Variants in LINGO2 observed in about 807,000 individuals in gnomAD.
LINGO2 encodes the protein leucine-rich repeat and immunoglobulin-like domain-containing nogo receptor-interacting protein 2.
LINGO2 carries 14 observed loss-of-function variants against 30.6 expected under a neutral mutation model. That is an observed-to-expected ratio of 0.46 (90% CI 0.30 to 0.72). The LOEUF is 0.72. Among genes scored for constraint, LINGO2 ranks in the 30% least tolerant of loss-of-function variants. The probability of loss-of-function intolerance (pLI) is 0.07; values close to 1 mark genes in which losing one functional copy is unlikely to be tolerated. For synonymous variants in LINGO2, 317 were observed against 288.5 expected (o/e 1.10, Z -1.00); for missense variants, 729 against 751.7 (o/e 0.97, Z 0.35).
chr9:27,987,313 C>A (rs1821172131), intron 5 of LINGO2, among the ~76,000 whole-genome samples: 1 of 151,740 alleles, frequency 6.6e-6, no homozygotes. Flanking sequence ...TTCCTTGCTT[C>A]TTTCCTCCCT....
At chr9:29,117,321 C>T in the LINGO2 span, among the ~76,000 whole-genome samples, 1 of 152,052 alleles carries the variant, frequency 6.6e-6, no homozygotes, top group East Asian at 1.9e-4. Context: ...GAAAAAAAGC[C>T]CCGATTGTTA....
chr9:28,663,381 T>C (rs372559328), intron 1 of LINGO2, among the ~76,000 whole-genome samples: 2 of 152,072 alleles, frequency 1.3e-5, no homozygotes, highest in South Asian at 4.1e-4. Flanking sequence ...ATATTGGTCA[T>C]GCTGGGCTTG....
chr9:28,117,023 T>G (rs571742846), intron 4 of LINGO2, among the ~76,000 whole-genome samples: 7,453 of 81,880 alleles, frequency 0.091, 577 homozygotes, highest in South Asian at 0.13. Flanking sequence ...TGTTCTGTTT[T>G]TTCCCCATCT....
chr9:29,112,036 T>G, the LINGO2 span, among the ~76,000 whole-genome samples: 4 of 149,132 alleles, frequency 2.7e-5, no homozygotes, highest in South Asian at 8.6e-4. Flanking sequence ...TGCATGTGTG[T>G]ATGATATATA....
At chr9:29,194,633 T>C in the LINGO2 span, among the ~76,000 whole-genome samples, 1 of 152,118 alleles carries the variant, frequency 6.6e-6, no homozygotes, top group African/African-American at 2.4e-5. Context: ...TCCGAACACT[T>C]ACCTCCACCC....
chr9:28,308,797 A>G (rs1364664522), intron 3 of LINGO2, among the ~76,000 whole-genome samples: 1 of 152,150 alleles, frequency 6.6e-6, no homozygotes, highest in Non-Finnish European at 1.5e-5. Flanking sequence ...TTCTCAAAAG[A>G]AGACATTTAT....
chr9:28,837,263 T>C, the LINGO2 span, among the ~76,000 whole-genome samples: 1 of 152,146 alleles, frequency 6.6e-6, no homozygotes, highest in Non-Finnish European at 1.5e-5. Flanking sequence ...AAAATGTAGT[T>C]TGATTTATTG....
At chr9:29,203,012 G>C in the LINGO2 span, among the ~76,000 whole-genome samples, 1 of 152,010 alleles carries the variant, frequency 6.6e-6, no homozygotes, top group African/African-American at 2.4e-5. Flanking sequence ...CAAAATAATA[G>C]ACTAAATTTT....
At chr9:28,138,493 A>G (rs186918445) in intron 4 of LINGO2, among the ~76,000 whole-genome samples, 1 of 152,298 alleles carries the variant, frequency 6.6e-6, no homozygotes, top group Admixed American at 6.5e-5. Context: ...TTGTGAGGCC[A>G]CTTTTCATAT....
the LINGO2 span, among the ~76,000 whole-genome samples, chr9:28,785,902 T>C: frequency 1.3e-5 from 2 of 152,240 alleles, no homozygotes; most frequent in African/African-American, 4.8e-5. Context: ...CATGACAAAA[T>C]GTACACTAAA....
chr9:28,048,682 G>A (rs539351504), intron 4 of LINGO2, among the ~76,000 whole-genome samples: 8 of 150,516 alleles, frequency 5.3e-5, no homozygotes, highest in Non-Finnish European at 8.9e-5. Context: ...ACTTATCTAC[G>A]ATGCCAAAAG....
the LINGO2 span, among the ~76,000 whole-genome samples, chr9:28,887,966 A>C: frequency 7.2e-5 from 11 of 152,130 alleles, no homozygotes; most frequent in African/African-American, 2.4e-4. Flanking sequence ...TTGTATTACC[A>C]GCTTACATGT....
chr9:28,487,991 CAT>C (rs994549974), intron 1 of LINGO2, among the ~76,000 whole-genome samples: 4 of 152,248 alleles, frequency 2.6e-5, no homozygotes, highest in African/African-American at 7.2e-5. Context: ...AGTATACACA[CAT>C]GTATACTCTG....
chr9:28,438,584 ACAT>A (rs1395737804), intron 2 of LINGO2, among the ~76,000 whole-genome samples: 1 of 152,140 alleles, frequency 6.6e-6, no homozygotes, highest in Non-Finnish European at 1.5e-5. Flanking sequence ...TTCCATGATC[ACAT>A]CAGCCAATTT....
intron 4 of LINGO2, among the ~76,000 whole-genome samples, chr9:28,122,751 AC>A (rs1458322478): frequency 6.6e-6 from 1 of 152,168 alleles, no homozygotes; most frequent in Admixed American, 6.5e-5. Flanking sequence ...CAAAAGAACC[AC>A]AAGTTATGTT....
the LINGO2 span, among the ~76,000 whole-genome samples, chr9:28,735,003 T>C: frequency 6.6e-6 from 1 of 152,204 alleles, no homozygotes; most frequent in East Asian, 1.9e-4. Context: ...TTATCAATTT[T>C]TCCATTCTCC....
the LINGO2 span, among the ~76,000 whole-genome samples, chr9:29,166,660 A>T: frequency 6.6e-6 from 1 of 152,170 alleles, no homozygotes; most frequent in Admixed American, 6.5e-5. Context: ...TTTATACTGC[A>T]ATCTGGAATT....
the LINGO2 span, among the ~76,000 whole-genome samples, chr9:28,896,816 T>C: frequency 3.3e-5 from 5 of 152,272 alleles, no homozygotes; most frequent in South Asian, 1.0e-3. Flanking sequence ...AATGCCATTA[T>C]GTTGCCCTAT....
At chr9:29,199,647 TAA>T in the LINGO2 span, among the ~76,000 whole-genome samples, 1 of 152,118 alleles carries the variant, frequency 6.6e-6, no homozygotes, top group Non-Finnish European at 1.5e-5. Context: ...ACTTTCATAT[TAA>T]ATAGATTTAA....
Sources: allele counts gnomAD v4.1 joint callset (sites outside exome capture counted in the v4.1 genomes callset), GRCh38; gene constraint gnomAD v4.1.1; transcripts MANE v1.5; gene names NCBI Gene and HGNC (gene_info 2026-07-23, HGNC 2026-07-21).